RGP1: variants seen among roughly 807,000 people sequenced by gnomAD.
RGP1 encodes the protein RGP1 partner of RAB6A GEF complex.
In RGP1, 28 loss-of-function variants were observed where a neutral mutation model predicts 44.5. The observed-to-expected ratio is 0.63, with a 90% CI of 0.47 to 0.86. RGP1 has a LOEUF of 0.86. RGP1 is among the 40% of genes least tolerant of loss of function. RGP1 has a pLI of 0.00. For synonymous variants in RGP1, 212 were observed against 196.7 expected (o/e 1.08, Z -0.65); for missense variants, 417 against 490.7 (o/e 0.85, Z 1.42).
At chr9:35,752,280 T>C in intron 8 of RGP1, 135 bp downstream of exon 8, 1 of 848,106 alleles carries the variant, frequency 1.2e-6, no homozygotes, top group Non-Finnish European at 1.8e-6. Flanking sequence ...CGGAACAGTT[T>C]CTCAGACCTT....
chr9:35,763,897 AAAAG>A, the RGP1 span, among the ~76,000 whole-genome samples: 38 of 147,828 alleles, frequency 2.6e-4, no homozygotes, highest in Non-Finnish European at 4.0e-4. Flanking sequence ...AAAAAAAAAA[AAAAG>A]AAAAGAGAAA....
chr9:35,780,818 G>A, the RGP1 span, among the ~76,000 whole-genome samples: 3 of 152,076 alleles, frequency 2.0e-5, no homozygotes, highest in Non-Finnish European at 2.9e-5. Context: ...ATTGAGTCTC[G>A]GGGGATGGAG....
rs1827383711 is a variant in RGP1, at chr9:35,758,029, T to C, written c.*5155T>C. The C allele has an allele frequency of 6.6e-6, 1 of 152,278 alleles. No individual in the cohort carries two copies. Among genetic ancestry groups the C allele is most frequent in the Non-Finnish European group, 1.5e-5 (1 of 68,046 alleles). 9.4% of individuals were successfully genotyped at this position (152,278 alleles called of 1,614,324 possible). A position where few individuals can be genotyped will look rare whatever the true frequency, so the allele number is the denominator to read the frequency against. ...ATTCAGCCTTTTTCTTGTTTGGCTT[T>C]TGTGCCATTTGCCCCTCACTGACTT... is the stretch of plus-strand genomic sequence containing the variant. On this transcript the variant is annotated 3_prime_UTR_variant, in exon 9 of 9. Transcript: ENST00000378078.
chr9:35,775,539 A>G, the RGP1 span, among the ~76,000 whole-genome samples: 2 of 152,184 alleles, frequency 1.3e-5, no homozygotes, highest in Non-Finnish European at 2.9e-5. Context: ...GACTGAGCTC[A>G]GCAGGAAGCC....
the RGP1 span, among the ~76,000 whole-genome samples, chr9:35,764,632 CCA>C: frequency 9.7e-3 from 1,480 of 152,214 alleles, 14 homozygotes; most frequent in African/African-American, 0.034. Flanking sequence ...ATCTCTGTCA[CCA>C]CCCCACCACT....
the RGP1 span, among the ~76,000 whole-genome samples, chr9:35,771,135 G>C: frequency 2.0e-5 from 3 of 152,052 alleles, no homozygotes; most frequent in Non-Finnish European, 4.4e-5. Context: ...CTTGGCTCTT[G>C]ATCTTGGTTT....
chr9:35,767,743 G>C, the RGP1 span, among the ~76,000 whole-genome samples: 1 of 152,108 alleles, frequency 6.6e-6, no homozygotes, highest in Non-Finnish European at 1.5e-5. Context: ...CTTTCTTGCT[G>C]AGCCTGGACA....
chr9:35,788,825 G>GAT, the RGP1 span, among the ~76,000 whole-genome samples: 1 of 151,952 alleles, frequency 6.6e-6, no homozygotes, highest in Admixed American at 6.6e-5. Context: ...TGGATAGTGG[G>GAT]ATATATACAT....
chr9:35,762,483 G>A (rs1827426837), downstream of RGP1, among the ~76,000 whole-genome samples: 1 of 152,138 alleles, frequency 6.6e-6, no homozygotes, highest in Admixed American at 6.5e-5. Context: ...ACATTAAATT[G>A]GGTTCAACCT....
chr9:35,789,290 T>G, the RGP1 span, among the ~76,000 whole-genome samples: 1 of 151,768 alleles, frequency 6.6e-6, no homozygotes, highest in African/African-American at 2.4e-5. Context: ...AGTGCTGGGA[T>G]TACAGGCGTG....
chr9:35,753,530 C>T lies in RGP1; in HGVS notation c.*656C>T, dbSNP rs1311231272. Reference sequence around the variant, plus strand: ...CCTTATCTTTCACACTAGTGTTGGTCCCTTCAGGTTTGGCCCATCTTGTAT... The same window carrying T: ...CCTTATCTTTCACACTAGTGTTGGTTCCTTCAGGTTTGGCCCATCTTGTAT... On this transcript the variant is annotated 3_prime_UTR_variant, in exon 9 of 9. Transcript: ENST00000378078. The surrounding 1 kb of genome is among the most constrained non-coding windows in gnomAD (Gnocchi z 4.2). The T allele has an allele frequency of 1.2e-6, 1 of 835,804 alleles. No homozygotes were observed. The allele number at this position is 835,804 out of a possible 1,614,324, so 51.8% of individuals were successfully genotyped here.
chr9:35,783,919 TCTC>T, the RGP1 span, among the ~76,000 whole-genome samples: 1 of 152,342 alleles, frequency 6.6e-6, no homozygotes, highest in Admixed American at 6.5e-5. Context: ...GTATAAAAGT[TCTC>T]CTTTCTCCGC....
chr9:35,784,005 T>C, the RGP1 span, among the ~76,000 whole-genome samples: 2 of 152,240 alleles, frequency 1.3e-5, no homozygotes, highest in African/African-American at 2.4e-5. Context: ...TGATATCTCA[T>C]TGAGGTTTTG....
In RGP1 at chr9:35,750,952, T is replaced by C; in HGVS notation, c.450T>C (p.Thr150=). 1 of 1,613,860 alleles carries C rather than the reference T, an allele frequency of 6.2e-7. No homozygotes were observed. The highest frequency in any genetic ancestry group is 8.5e-7 in the Non-Finnish European group (1 of 1,179,868). ...IGCQRVNSPI[T]LLRVPLRVLV... is the part of the protein sequence containing the mutation. ...GCCAGCGTGTCAACTCCCCTATCAC[T>C]TTACTCAGAGTCCCTCTGAGGGTTC... The change falls in exon 5 of 9, where the codon ACT becomes ACC. Residue 150 remains threonine (T), a synonymous_variant. Coordinates refer to ENST00000378078, the MANE Select transcript of RGP1 (RefSeq NM_001080496.3).
chr9:35,764,533 G>A, the RGP1 span, among the ~76,000 whole-genome samples: 8 of 152,082 alleles, frequency 5.3e-5, no homozygotes, highest in East Asian at 1.9e-4. Context: ...TTATATACAG[G>A]AAGATGTACC....
chr9:35,779,699 G>T, the RGP1 span, among the ~76,000 whole-genome samples: 1 of 152,194 alleles, frequency 6.6e-6, no homozygotes, highest in African/African-American at 2.4e-5. Flanking sequence ...GAGAAGCCCA[G>T]TAGGACCTTC....
At chr9:35,750,484 C>G (rs1827230161) in intron 3 of RGP1, 105 bp downstream of exon 3, 1 of 1,392,464 alleles carries the variant, frequency 7.2e-7, no homozygotes, top group South Asian at 1.3e-5. Flanking sequence ...CTTATAGTCC[C>G]TGTCATGCTG....
chr9:35,771,224 T>G, the RGP1 span, among the ~76,000 whole-genome samples: 2 of 152,040 alleles, frequency 1.3e-5, no homozygotes, highest in African/African-American at 4.8e-5. Context: ...GGCTGGCAAG[T>G]CCCGGAACCA....
the RGP1 span, among the ~76,000 whole-genome samples, chr9:35,774,265 C>G: frequency 6.6e-6 from 1 of 152,172 alleles, no homozygotes; most frequent in African/African-American, 2.4e-5. Flanking sequence ...TGGCAGCAAA[C>G]GCCTCCCTCC....
Sources: gnomAD v4.1 joint callset for allele counts (sites outside exome capture counted in the v4.1 genomes callset) on GRCh38, gnomAD v4.1.1 for gene constraint, Gnocchi (gnomAD v3.1) non-coding constraint, MANE v1.5 for transcripts, NCBI Gene and HGNC (gene_info 2026-07-23, HGNC 2026-07-21) for gene names.